Variants in MAP2K1 observed in about 807,000 individuals in gnomAD.
The protein encoded by MAP2K1 is mitogen-activated protein kinase kinase 1.
In MAP2K1, 16 loss-of-function variants were observed where a neutral mutation model predicts 46.3. The observed-to-expected ratio is 0.35, with a 90% CI of 0.23 to 0.52. The LOEUF is 0.52. Among genes scored for constraint, MAP2K1 ranks in the 20% least tolerant of loss-of-function variants. The pLI is 0.94. For missense variants in MAP2K1, 263 were observed against 497.1 expected, an observed-to-expected ratio of 0.53 and a Z score of 4.48; for synonymous variants, 183 against 185.6, an observed-to-expected ratio of 0.99 and a Z score of 0.11.
At chr15:66,414,907 G>A (rs931470142) in intron 1 of MAP2K1, 14 of 354,940 alleles carry the variant, frequency 3.9e-5, no homozygotes, top group African/African-American at 8.7e-5. Context: ...AGGTCATGGC[G>A]GGGAGTGCAG....
At chr15:66,404,382 G>A (rs953873315) in intron 1 of MAP2K1, among the ~76,000 whole-genome samples, 3 of 152,112 alleles carry the variant, frequency 2.0e-5, no homozygotes, top group African/African-American at 7.2e-5. Flanking sequence ...AACAAAAACA[G>A]TGGAATATTG....
intron 1 of MAP2K1, among the ~76,000 whole-genome samples, chr15:66,432,011 C>G (rs569712408): frequency 4.6e-5 from 7 of 152,264 alleles, no homozygotes; most frequent in African/African-American, 1.7e-4. Flanking sequence ...CATGTTCCCG[C>G]AAAGGACGTG....
chr15:66,448,194 C>T (rs1490732510), intron 5 of MAP2K1, among the ~76,000 whole-genome samples: 1 of 151,194 alleles, frequency 6.6e-6, no homozygotes, highest in Non-Finnish European at 1.5e-5. Context: ...CCCCCTTTCC[C>T]CATCCACTGG....
rs1407891999 is a variant in MAP2K1 at position 66,436,054 on chromosome 15, C to T, written c.292-692C>T. On this transcript the variant is annotated intron_variant, in intron 2 of 10. Coordinates refer to ENST00000307102, the MANE Select transcript of MAP2K1 (RefSeq NM_002755.4). The stretch of plus-strand genomic sequence containing the variant: ...TCAATGTTTTTTTGCACATGGTGTT[C>T]ACTCCTGTGCCCATAATTTTTTTGT... Among the ~76,000 whole-genome samples the T allele has an allele frequency of 2.6e-5, 4 of 152,136 alleles. No individual in the cohort carries two copies. In the South Asian group the frequency reaches 8.3e-4, roughly 31 times the overall value.
intron 4 of MAP2K1, 53 bp from the exon 5 acceptor site, chr15:66,444,603 G>C (rs977626934): frequency 2.5e-6 from 3 of 1,208,788 alleles, no homozygotes; most frequent in African/African-American, 3.0e-5. Flanking sequence ...AATAGATTGA[G>C]TATTTTTCTT....
intron 1 of MAP2K1, among the ~76,000 whole-genome samples, chr15:66,417,593 T>C (rs1269221901): frequency 6.6e-6 from 1 of 152,080 alleles, no homozygotes; most frequent in Admixed American, 6.6e-5. Context: ...AAAAAACCTA[T>C]GCTTAAGTGA....
intron 5 of MAP2K1, among the ~76,000 whole-genome samples, chr15:66,465,070 A>G (rs1892427478): frequency 6.6e-6 from 1 of 151,442 alleles, no homozygotes. Context: ...CAAAAATACA[A>G]AAAAATTAGC....
chr15:66,459,314 A>C (rs1447140667), intron 5 of MAP2K1, among the ~76,000 whole-genome samples: 2 of 142,078 alleles, frequency 1.4e-5, no homozygotes, highest in Non-Finnish European at 3.1e-5. Flanking sequence ...TGTCTCAAAA[A>C]AAAAAAAAAA....
intron 5 of MAP2K1, among the ~76,000 whole-genome samples, chr15:66,453,826 C>G (rs1266950737): frequency 6.6e-6 from 1 of 152,082 alleles, no homozygotes; most frequent in Admixed American, 6.5e-5. Context: ...GAGACAGGGT[C>G]TTGCTCTGGT....
chr15:66,423,415 C>G (rs919116060), intron 1 of MAP2K1, among the ~76,000 whole-genome samples: 10 of 150,866 alleles, frequency 6.6e-5, no homozygotes, highest in African/African-American at 2.4e-4. Flanking sequence ...ACTTCCCAAC[C>G]CTTCTTGATT....
intron 1 of MAP2K1, among the ~76,000 whole-genome samples, chr15:66,426,348 T>A (rs1432515541): frequency 4.4e-5 from 5 of 114,642 alleles, no homozygotes; most frequent in Non-Finnish European, 8.9e-5. Context: ...CATGAAATAT[T>A]CATCAAGAAG....
rs1595871556 is a variant in MAP2K1 at position 66,455,554 on chromosome 15, T to C, written c.568+10847T>C. Reference sequence around the variant, plus strand: ...CTGTTTTCAGGTACCATTTAGTTACTGTTTTTCCACCTAGGTGGTAGCCTC... The same window carrying C: ...CTGTTTTCAGGTACCATTTAGTTACCGTTTTTCCACCTAGGTGGTAGCCTC... On this transcript the variant is annotated intron_variant, in intron 5 of 10. Transcript: ENST00000307102. Among the ~76,000 whole-genome samples the C allele has an allele frequency of 2.0e-5, 3 of 152,208 alleles. No individual in the cohort carries two copies. In the South Asian group the frequency reaches 6.2e-4, roughly 32 times the overall value.
chr15:66,418,985 G>C (rs1198375103), intron 1 of MAP2K1, among the ~76,000 whole-genome samples: 2 of 40,026 alleles, frequency 5.0e-5, no homozygotes, highest in Non-Finnish European at 4.5e-5. Flanking sequence ...TCTTTTTTTT[G>C]AGACAGAGTT....
chr15:66,396,995 CTTTTTTTTTTTTT>C (rs57043037), intron 1 of MAP2K1, among the ~76,000 whole-genome samples: 9 of 39,278 alleles, frequency 2.3e-4, no homozygotes, highest in South Asian at 1.5e-3. Context: ...TGTAACGCTT[CTTTTTTTTTTTTT>C]TTTTTTTTTT....
At chr15:66,409,390 A>G (rs1341422088) in intron 1 of MAP2K1, among the ~76,000 whole-genome samples, 1 of 151,978 alleles carries the variant, frequency 6.6e-6, no homozygotes, top group Non-Finnish European at 1.5e-5. Context: ...AGGCTCTGGG[A>G]ATGTTTGGGC....
At chr15:66,430,235 G>A (rs974268333) in intron 1 of MAP2K1, among the ~76,000 whole-genome samples, 1 of 152,124 alleles carries the variant, frequency 6.6e-6, no homozygotes, top group African/African-American at 2.4e-5. Flanking sequence ...TACCCTGGTA[G>A]CATTCCTGCT....
intron 1 of MAP2K1, among the ~76,000 whole-genome samples, chr15:66,424,791 CTT>C (rs58738231): frequency 0.034 from 2,785 of 81,964 alleles, 29 homozygotes; most frequent in African/African-American, 0.053. Context: ...CAATCTCAAT[CTT>C]TTTTTTTTTT....
intron 10 of MAP2K1, chr15:66,490,028 C>A (rs889776551): frequency 5.2e-6 from 3 of 582,508 alleles, no homozygotes; most frequent in East Asian, 2.9e-5. Flanking sequence ...CAGCCCACCC[C>A]CTTCATGGGG....
rs2093438064 is a variant in MAP2K1 at position 66,420,803 on chromosome 15, GTGTATATA to G, written c.81-14222_81-14215del. Among the ~76,000 whole-genome samples, 2 of 95,130 alleles carry G rather than the reference GTGTATATA, an allele frequency of 2.1e-5. 1 individual carries two copies. Among genetic ancestry groups the G allele is most frequent in the Admixed American group, 2.4e-4 (2 of 8,164 alleles). The allele number at this position is 95,130 out of a possible 152,430, so 62.4% of individuals were successfully genotyped here. On this transcript the variant is annotated intron_variant, in intron 1 of 10. Transcript: ENST00000307102. ...TGTATATATATGTGTGTATATATAT[GTGTATATA>G]TATGTGTATATATATATGTGTATAT...
Sources: allele counts gnomAD v4.1 joint callset (sites outside exome capture counted in the v4.1 genomes callset), GRCh38; gene constraint gnomAD v4.1.1; transcripts MANE v1.5; gene names NCBI Gene and HGNC (gene_info 2026-07-23, HGNC 2026-07-21).